LRRC32: variants seen among roughly 807,000 people sequenced by gnomAD.
LRRC32 encodes the protein leucine rich repeat containing 32, also known as transforming growth factor beta activator LRRC32.
In LRRC32, 5 loss-of-function variants were observed where a neutral mutation model predicts 15.0. The ratio of observed to expected loss-of-function variants is 0.33; its 90% CI spans 0.17 to 0.70. LRRC32 has a LOEUF of 0.70. Among genes scored for constraint, LRRC32 ranks in the 30% least tolerant of loss-of-function variants. LRRC32 has a pLI of 0.66. For missense variants in LRRC32, 803 were observed against 854.2 expected (o/e 0.94, Z 0.75); for synonymous variants, 391 against 403.9 (o/e 0.97, Z 0.38).
Position 76,660,510 on chromosome 11 carries a change from G to A in LRRC32, c.1083C>T (p.Ser361=), listed in dbSNP as rs1450955777. The A allele has an allele frequency of 6.8e-6, 11 of 1,614,140 alleles. No individual in the cohort carries two copies. The highest frequency in any genetic ancestry group is 8.5e-6 in the Non-Finnish European group (10 of 1,180,018). The change falls in exon 3 of 3, where the codon TCC becomes TCT. Residue 361 remains serine (S), a synonymous_variant. Coordinates refer to ENST00000260061, the MANE Select transcript of LRRC32 (RefSeq NM_001128922.2). ...LRTFEARRLG[S]LPCLMLLDLS... The stretch of plus-strand genomic sequence containing the variant: ...AGTCAAGGAGCATCAGGCAGGGCAG[G>A]GAGCCTAAGCGCCGGGCCTCAAAGG...
chr11:76,659,868 G>A lies in LRRC32; in HGVS notation c.1725C>T (p.Cys575=), dbSNP rs1474016426. ...RLYLQGNPLS[C]CGNGWLAAQL... ...GGGCTGCCAGCCAGCCATTGCCGCA[G>A]CAGCTGAGTGGATTCCCCTGCAGGT... Residue 575 remains cysteine (C), a synonymous_variant, in exon 3 of 3, where the codon TGC becomes TGT. Coordinates refer to ENST00000260061, the MANE Select transcript of LRRC32 (RefSeq NM_001128922.2). 6.2e-7 allele frequency: 1 copy of A among 1,614,050 alleles called. No homozygotes were observed. The highest frequency in any genetic ancestry group is 1.1e-5 in the South Asian group (1 of 91,080).
Position 76,660,301 on chromosome 11 carries a change from GGCTC to G in LRRC32, c.1288_1291del (p.Glu430LeufsTer18), listed in dbSNP as rs1952493404. 2 of 1,594,716 alleles carry G rather than the reference GGCTC, an allele frequency of 1.3e-6. No homozygotes were observed. The highest frequency in any genetic ancestry group is 2.7e-5 in the African/African-American group (2 of 74,156). ...GAAGGCCACACAGCCGGAGGGGCCAGGCTCATCTGGCCCCCCACAGGGGCTGACT... is the reference window on the plus strand; with the variant it reads ...GAAGGCCACACAGCCGGAGGGGCCAGATCTGGCCCCCCACAGGGGCTGACT... On this transcript the variant is annotated frameshift_variant, in exon 3 of 3. Coordinates refer to ENST00000260061, the MANE Select transcript of LRRC32 (RefSeq NM_001128922.2). LOFTEE classifies it high-confidence loss of function.
At chr11:76,663,516 G>A (rs1952573575) in intron 2 of LRRC32, 1 of 152,222 alleles carries the variant, frequency 6.6e-6, no homozygotes, top group African/African-American at 2.4e-5. Flanking sequence ...CCAGCCTCAG[G>A]CCTCCGTGTG....
rs144938321 is a variant in LRRC32 at position 76,661,014 on chromosome 11, G to A, written c.579C>T (p.Phe193=). Residue 193 remains phenylalanine (F), a synonymous_variant, in exon 3 of 3, where the codon TTC becomes TTT. Transcript: ENST00000260061. ...GATGGGTCAGGCGGGGCAGACCCTCGAAGGCGCCATCCTCGATGTCCATCA... is the reference window on the plus strand; with the variant it reads ...GATGGGTCAGGCGGGGCAGACCCTCAAAGGCGCCATCCTCGATGTCCATCA... ...NVLMDIEDGA[F]EGLPRLTHLN... 526 of 1,614,164 alleles carry A rather than the reference G, an allele frequency of 3.3e-4. No individual in the cohort carries two copies. The highest frequency in any genetic ancestry group is 4.1e-4 in the Non-Finnish European group (488 of 1,179,996).
In LRRC32 at chr11:76,660,907, C is replaced by G. The variant is rs1363895510; in HGVS notation, c.686G>C (p.Ser229Thr). ...GGAGGCCGTCTGAAAGGCCTCGATGCTGTTGCAGCTCAGGTCTAGCACCCG... is the reference window on the plus strand; with the variant it reads ...GGAGGCCGTCTGAAAGGCCTCGATGGTGTTGCAGCTCAGGTCTAGCACCCG... ...QLRVLDLSCNSIEAFQTASQP... is the reference protein window; with the variant it reads ...QLRVLDLSCNTIEAFQTASQP... The change falls in exon 3 of 3, where the codon AGC (serine) becomes ACC (threonine). Residue 229 changes from serine to threonine, a missense_variant. Coordinates refer to ENST00000260061, the MANE Select transcript of LRRC32 (RefSeq NM_001128922.2). 4 of 1,614,188 alleles carry G rather than the reference C, an allele frequency of 2.5e-6. No individual in the cohort carries two copies. The South Asian group carries it at 3.3e-5, about 13-fold the overall frequency.
At position 76,660,301 on chromosome 11, in the gene LRRC32, G is replaced by A. The variant is rs750706385; in HGVS notation, c.1292C>T (p.Pro431Leu). Residue 431 changes from proline (P) to leucine (L), a missense_variant, in exon 3 of 3, where the codon CCT becomes CTT. Transcript: ENST00000260061. ...GAAGGCCACACAGCCGGAGGGGCCAGGCTCATCTGGCCCCCCACAGGGGCT... is the reference window on the plus strand; with the variant it reads ...GAAGGCCACACAGCCGGAGGGGCCAAGCTCATCTGGCCCCCCACAGGGGCT... ...RVSPCGGPDE[P>L]GPSGCVAFSG... 1 of 1,594,834 alleles carries A rather than the reference G, an allele frequency of 6.3e-7. No homozygotes were observed. The highest frequency in any genetic ancestry group is 8.5e-7 in the Non-Finnish European group (1 of 1,171,800).
rs185233871 is a variant in LRRC32, at chr11:76,660,898, G to A, written c.695C>T (p.Ala232Val). The change falls in exon 3 of 3, where the codon GCC (alanine) becomes GTC (valine). Residue 232 changes from alanine (A) to valine (V), a missense_variant. Ala to Val is a moderately conservative substitution (Grantham distance 64, BLOSUM62 0). Transcript: ENST00000260061. ...CTGGGGCTGGGAGGCCGTCTGAAAGGCCTCGATGCTGTTGCAGCTCAGGTC... is the reference window on the plus strand; with the variant it reads ...CTGGGGCTGGGAGGCCGTCTGAAAGACCTCGATGCTGTTGCAGCTCAGGTC... ...VLDLSCNSIE[A>V]FQTASQPQAE... 1.2e-6 allele frequency: 2 copies of A among 1,614,218 alleles called. No homozygotes were observed. The highest frequency in any genetic ancestry group is 2.2e-5 in the South Asian group (2 of 91,078).
Position 76,660,687 on chromosome 11 carries a change from G to C in LRRC32, c.906C>G (p.Leu302=). Residue 302 remains leucine, a synonymous_variant, in exon 3 of 3, where the codon CTC becomes CTG. Transcript: ENST00000260061. Reference sequence around the variant, plus strand: ...CGCTGGCATTCCCGCTGGGGGCTGAGAGGGGCAGGGCTGACCAGCCCTCGG... The same window carrying C: ...CGCTGGCATTCCCGCTGGGGGCTGACAGGGGCAGGGCTGACCAGCCCTCGG... ...APSEGWSALP[L]SAPSGNASGR... is the part of the protein sequence containing the mutation. The C allele has an allele frequency of 1.2e-6, 2 of 1,614,138 alleles. No homozygotes were observed. Among genetic ancestry groups the C allele is most frequent in the Non-Finnish European group, 1.7e-6 (2 of 1,180,022 alleles).
chr11:76,665,768 C>T (rs971635179), intron 2 of LRRC32, 103 bp downstream of exon 2: 15 of 1,550,132 alleles, frequency 9.7e-6, no homozygotes, highest in Non-Finnish European at 1.3e-5. Context: ...TCCCTTTCCT[C>T]TCCTGACTCT....
At chr11:76,663,245 C>G (rs2120075374) in intron 2 of LRRC32, 1 of 152,358 alleles carries the variant, frequency 6.6e-6, no homozygotes, top group East Asian at 1.9e-4. Context: ...CTGAATCAAT[C>G]ACTTCTCTAG....
chr11:76,660,927 C>G lies in LRRC32; in HGVS notation c.666G>C (p.Val222=). ...CGATGCTGTTGCAGCTCAGGTCTAGCACCCGCAGCTGCTGGAGGCTGAAGT... is the reference window on the plus strand; with the variant it reads ...CGATGCTGTTGCAGCTCAGGTCTAGGACCCGCAGCTGCTGGAGGCTGAAGT... The part of the protein sequence containing the change: ...ISDFSLQQLR[V]LDLSCNSIEA... The change falls in exon 3 of 3, where the codon GTG becomes GTC. Residue 222 remains valine, a synonymous_variant. Transcript: ENST00000260061. 6.2e-7 allele frequency: 1 copy of G among 1,614,168 alleles called. No homozygotes were observed. Among genetic ancestry groups the G allele is most frequent in the Non-Finnish European group, 8.5e-7 (1 of 1,180,032 alleles).
chr11:76,664,816 C>T (rs539990819), intron 2 of LRRC32, among the ~76,000 whole-genome samples: 1 of 152,354 alleles, frequency 6.6e-6, no homozygotes, highest in South Asian at 2.1e-4. Context: ...TATTTGGTGA[C>T]ATCTGAGGCC....
At chr11:76,664,278 G>A (rs1324333729) in intron 2 of LRRC32, among the ~76,000 whole-genome samples, 1 of 152,230 alleles carries the variant, frequency 6.6e-6, no homozygotes, top group African/African-American at 2.4e-5. Flanking sequence ...GGCTGCACTG[G>A]GATGCCCAGA....
At chr11:76,669,390 A>T (rs11236845) in intron 1 of LRRC32, among the ~76,000 whole-genome samples, 1,753 of 128,936 alleles carry the variant, frequency 0.014, 20 homozygotes, top group Non-Finnish European at 0.017. Context: ...TGTGTGTGAG[A>T]GAGAGAGAGA....
At chr11:76,667,133 C>T (rs866003620) in intron 1 of LRRC32, among the ~76,000 whole-genome samples, 63 of 152,278 alleles carry the variant, frequency 4.1e-4, no homozygotes, top group African/African-American at 1.5e-3. Flanking sequence ...ACAGAGCCTC[C>T]ATTATGCAGT....
At chr11:76,670,358 C>T (rs1952691908) in intron 1 of LRRC32, among the ~76,000 whole-genome samples, 1 of 152,214 alleles carries the variant, frequency 6.6e-6, no homozygotes, top group African/African-American at 2.4e-5. Flanking sequence ...GGTCTTCAGG[C>T]CATTGTTTTC....
In LRRC32 at chr11:76,659,677, G is replaced by A. The variant is rs1444113321; in HGVS notation, c.1916C>T (p.Ala639Val). ...GGCGGCCAGCGTGGTGAGGAGGATG[G>A]CAGAGACCAGTATGAAGGTGAGGAT... ...IIILTFILVSAILLTTLAACC... is the reference protein window; with the variant it reads ...IIILTFILVSVILLTTLAACC... The change falls in exon 3 of 3, where the codon GCC (alanine) becomes GTC (valine). Residue 639 changes from alanine (A) to valine (V), a missense_variant. Coordinates refer to ENST00000260061, the MANE Select transcript of LRRC32 (RefSeq NM_001128922.2). 1.2e-6 allele frequency: 2 copies of A among 1,614,164 alleles called. No homozygotes were observed. Among genetic ancestry groups the A allele is most frequent in the Non-Finnish European group, 1.7e-6 (2 of 1,180,012 alleles).
rs756729367 is a variant in LRRC32, at chr11:76,661,264, G to T, written c.329C>A (p.Ala110Glu). 1 of 1,614,002 alleles carries T rather than the reference G, an allele frequency of 6.2e-7. No homozygotes were observed. The highest frequency in any genetic ancestry group is 1.7e-5 in the Admixed American group (1 of 60,030). The change falls in exon 3 of 3, where the codon GCG becomes GAG. Residue 110 changes from alanine (A) to glutamate (E), a missense_variant. Physicochemically the swap from Ala to Glu is moderately radical, Grantham distance 107. Transcript: ENST00000260061. ...EHLSLAHNRL[A>E]MATALSAGGL... Reference sequence around the variant, plus strand: ...ACCAGCACTCAGCGCAGTGGCCATCGCCAGCCGGTTGTGAGCCAGGCTGAG... The same window carrying T: ...ACCAGCACTCAGCGCAGTGGCCATCTCCAGCCGGTTGTGAGCCAGGCTGAG...
Position 76,660,495 on chromosome 11 carries a change from C to T in LRRC32, c.1098G>A (p.Met366Ile). Residue 366 changes from methionine (M) to isoleucine (I), a missense_variant, in exon 3 of 3, where the codon ATG (methionine) becomes ATA (isoleucine). Physicochemically the swap from Met to Ile is conservative, Grantham distance 10. Coordinates refer to ENST00000260061, the MANE Select transcript of LRRC32 (RefSeq NM_001128922.2). ...GGGCATTGTGGCTTAAGTCAAGGAG[C>T]ATCAGGCAGGGCAGGGAGCCTAAGC... Reference protein sequence around the residue: ...ARRLGSLPCLMLLDLSHNALE... With the variant: ...ARRLGSLPCLILLDLSHNALE... 6.2e-7 allele frequency: 1 copy of T among 1,614,078 alleles called. No homozygotes were observed. The highest frequency in any genetic ancestry group is 8.5e-7 in the Non-Finnish European group (1 of 1,180,012).
Sources: allele counts gnomAD v4.1 joint callset (sites outside exome capture counted in the v4.1 genomes callset), GRCh38; gene constraint gnomAD v4.1.1; transcripts MANE v1.5; gene names NCBI Gene and HGNC (gene_info 2026-07-23, HGNC 2026-07-21).